The following IKBKE variants were observed in gnomAD, a reference collection of about 807,000 sequenced individuals.
IKBKE encodes the protein inhibitor of nuclear factor kappa-B kinase subunit epsilon.
Under a neutral mutation model 92.1 loss-of-function variants are expected in IKBKE, and 45 were observed. The ratio of observed to expected loss-of-function variants is 0.49; its 90% CI spans 0.38 to 0.63. The LOEUF (loss-of-function observed/expected upper bound fraction) is 0.63, where lower values mean the gene tolerates loss of function less well. IKBKE is among the 20% of genes least tolerant of loss of function. The pLI is 0.00. For missense variants in IKBKE, 700 were observed against 932.8 expected (o/e 0.75, Z 3.25); for synonymous variants, 374 against 380.3 (o/e 0.98, Z 0.19).
chr1:206,488,271 T>G (rs1553389318), intron 16 of IKBKE, among the ~76,000 whole-genome samples: 1 of 152,182 alleles, frequency 6.6e-6, no homozygotes. Context: ...GGTTGGGGGA[T>G]CCAGTGGGCC....
intron 7 of IKBKE, among the ~76,000 whole-genome samples, chr1:206,477,130 C>T (rs374958132): frequency 7.2e-5 from 11 of 152,200 alleles, no homozygotes; most frequent in African/African-American, 2.7e-4. Context: ...CAAAGAGTGC[C>T]TTGCCTAAGG....
Position 206,496,160 on chromosome 1 carries a change from A to G in IKBKE, c.*15A>G. ...CTGATGTCTGAGCTCCATGGGGCACATGAGGCATCCTGAAGCATTAGAATG... is the reference window on the plus strand; with the variant it reads ...CTGATGTCTGAGCTCCATGGGGCACGTGAGGCATCCTGAAGCATTAGAATG... On this transcript the variant is annotated 3_prime_UTR_variant, in exon 22 of 22. Transcript: ENST00000581977. The G allele has an allele frequency of 5.0e-6, 8 of 1,607,206 alleles. No homozygotes were observed. The highest frequency in any genetic ancestry group is 1.3e-5 in the African/African-American group (1 of 74,926).
intron 13 of IKBKE, among the ~76,000 whole-genome samples, chr1:206,481,726 T>C (rs1399818064): frequency 2.1e-5 from 3 of 144,768 alleles, no homozygotes; most frequent in South Asian, 4.4e-4. Context: ...AGACCTGAGA[T>C]GGGTAGAGGC....
At chr1:206,474,631 G>T (rs1432275853) in intron 4 of IKBKE, among the ~76,000 whole-genome samples, 160 bp downstream of exon 4, 1 of 152,092 alleles carries the variant, frequency 6.6e-6, no homozygotes, top group Non-Finnish European at 1.5e-5. Context: ...GGGGGTGGGG[G>T]CGGTGCACTG....
chr1:206,476,818 A>G lies in IKBKE; in HGVS notation c.681A>G (p.Pro227=). ...GSLPFIPFGG[P]RRNKEIMYRI... is the part of the protein sequence containing the mutation. ...TGCCCTTCATCCCCTTTGGTGGGCC[A>G]CGGCGGAACAAGGAGATCATGTACG... The change falls in exon 7 of 22, where the codon CCA becomes CCG. Residue 227 remains proline (P), a synonymous_variant. Coordinates refer to ENST00000581977, the MANE Select transcript of IKBKE (RefSeq NM_014002.4). This position sits in a 1 kb window ranked among gnomAD's most constrained non-coding sequence, Gnocchi z 5.1. 1.2e-6 allele frequency: 2 copies of G among 1,614,194 alleles called. No homozygotes were observed. The highest frequency in any genetic ancestry group is 1.7e-6 in the Non-Finnish European group (2 of 1,180,038).
chr1:206,476,030 G>C lies in IKBKE; in HGVS notation c.359-151G>C. The C allele has an allele frequency of 2.9e-6, 2 of 686,482 alleles. No homozygotes were observed. Among genetic ancestry groups the C allele is most frequent in the African/African-American group, 1.8e-5 (1 of 56,130 alleles). 42.5% of individuals were successfully genotyped at this position (686,482 alleles called of 1,614,324 possible). ...GAGATGCCCCCTAAGCCCCATGCAT[G>C]TCTCTGTCCTTCTGCCTGTCCCATG... On this transcript the variant is annotated intron_variant, in intron 5 of 21. Coordinates refer to ENST00000581977, the MANE Select transcript of IKBKE (RefSeq NM_014002.4). The surrounding 1 kb of genome is among the most constrained non-coding windows in gnomAD (Gnocchi z 5.1).
chr1:206,485,412 C>T lies in IKBKE; in HGVS notation c.1616+106C>T, dbSNP rs1665604396. 4 of 708,704 alleles carry T rather than the reference C, an allele frequency of 5.6e-6. No individual in the cohort carries two copies. The highest frequency in any genetic ancestry group is 1.6e-5 in the South Asian group (1 of 61,836). 43.9% of individuals were successfully genotyped at this position (708,704 alleles called of 1,614,324 possible). ...GACGTCAGCTTGCATTCCCCTTTCT[C>T]TTGGCAAGGGTGCTAGGGCATGGGG... On this transcript the variant is annotated intron_variant, in intron 15 of 21. Transcript: ENST00000581977. This position sits in a 1 kb window ranked among gnomAD's most constrained non-coding sequence, Gnocchi z 5.0.
intron 18 of IKBKE, chr1:206,492,485 G>A (rs376159697): frequency 1.1e-5 from 5 of 471,362 alleles, no homozygotes; most frequent in South Asian, 1.5e-5. Context: ...ACATTCTGGT[G>A]TAATTGCTCT....
chr1:206,485,133 C>T lies in IKBKE; in HGVS notation c.1503+61C>T. 1.2e-5 allele frequency: 19 copies of T among 1,587,994 alleles called. No individual in the cohort carries two copies. Among genetic ancestry groups the T allele is most frequent in the Non-Finnish European group, 1.6e-5 (19 of 1,156,256 alleles). The stretch of plus-strand genomic sequence containing the variant: ...CAGAGCTGGGGGCCCGTGTTCCAGC[C>T]AGCCTGCCCACCAGTGCCCAGGCTG... On this transcript the variant is annotated intron_variant, in intron 14 of 21. Transcript: ENST00000581977. This position sits in a 1 kb window ranked among gnomAD's most constrained non-coding sequence, Gnocchi z 5.0.
intron 16 of IKBKE, 33 bp downstream of exon 16, chr1:206,488,023 C>T (rs1258236897): frequency 2.0e-6 from 3 of 1,473,774 alleles, no homozygotes; most frequent in South Asian, 2.3e-5. Context: ...CCCCTTCTCT[C>T]TCCTCTGTCT....
chr1:206,493,463 G>A (rs1666058943), intron 20 of IKBKE, 85 bp downstream of exon 20: 1 of 1,046,494 alleles, frequency 9.6e-7, no homozygotes, highest in East Asian at 2.5e-5. Context: ...AGCCTGAGGG[G>A]TTTGGCGTCA....
chr1:206,491,572 C>T (rs560749638), intron 17 of IKBKE, 76 bp from the exon 18 acceptor site: 54 of 1,027,530 alleles, frequency 5.3e-5, no homozygotes, highest in Non-Finnish European at 7.4e-5. Flanking sequence ...CGGAGACTGA[C>T]GGAGACTGAG....
At chr1:206,491,361 C>T (rs1265749101) in intron 17 of IKBKE, 2 of 396,860 alleles carry the variant, frequency 5.0e-6, no homozygotes, top group South Asian at 2.4e-5. Context: ...CTCACTTTCC[C>T]TTCCCTTTCC....
At position 206,490,415 on chromosome 1, in the gene IKBKE, T is replaced by TGAAC. The variant is rs41299338; in HGVS notation, c.1694-403_1694-400dup. On this transcript the variant is annotated intron_variant, in intron 16 of 21. Transcript: ENST00000581977. This position sits in a 1 kb window ranked among gnomAD's most constrained non-coding sequence, Gnocchi z 5.2. ...TCCAGCTCGTTGCAGGTAGCGCCCA[T>TGAAC]GAACATTCAGGGATGGGACCACCCA... Among the ~76,000 whole-genome samples, 2,419 of 152,216 alleles carry TGAAC rather than the reference T, an allele frequency of 0.016. 31 individuals carry two copies. The highest frequency in any genetic ancestry group is 0.023 in the South Asian group (112 of 4,822).
Position 206,480,110 on chromosome 1 carries a change from T to C in IKBKE, c.1337T>C (p.Val446Ala). The C allele has an allele frequency of 6.4e-7, 1 of 1,556,198 alleles. No individual in the cohort carries two copies. Among genetic ancestry groups the C allele is most frequent in the Non-Finnish European group, 8.7e-7 (1 of 1,153,354 alleles). The change falls in exon 12 of 22, where the codon GTC becomes GCC. Residue 446 changes from valine to alanine, a missense_variant. Coordinates refer to ENST00000581977, the MANE Select transcript of IKBKE (RefSeq NM_014002.4). ...CTAATGTTTCGGGGGCTGCACTGGG[T>C]CATGTGAGTAATCATGAGGGCTGGG... ...QELMFRGLHWVMEVLQATCRR... is the reference protein window; with the variant it reads ...QELMFRGLHWAMEVLQATCRR...
Position 206,479,045 on chromosome 1 carries a change from C to G in IKBKE, c.1095C>G (p.Val365=). The G allele has an allele frequency of 6.2e-7, 1 of 1,614,094 alleles. No homozygotes were observed. The highest frequency in any genetic ancestry group is 8.5e-7 in the Non-Finnish European group (1 of 1,180,020). The change falls in exon 10 of 22, where the codon GTC becomes GTG. Residue 365 remains valine, a synonymous_variant. Transcript: ENST00000581977. ...ACCTCTGTGTCCTCGAGCCCAGCGT[C>G]TCAGCACAGCACATCGCCCACACGA... The part of the protein sequence containing the change: ...EGHLCVLEPS[V]SAQHIAHTTA...
rs1236128418 is a variant in IKBKE, at chr1:206,480,320, GGAGGGGGAGGCAGGCCA to G, written c.1341-115_1341-99del. On this transcript the variant is annotated intron_variant, in intron 12 of 21. Transcript: ENST00000581977. ...GGCGGGCTGTAGGTGGAGGCAGGCC[GGAGGGGGAGGCAGGCCA>G]GAGGGGGAGGCCGGCAGGAGGTGGA... is the stretch of plus-strand genomic sequence containing the variant. The G allele has an allele frequency of 5.8e-4, 460 of 792,350 alleles. 2 individuals carry two copies. The highest frequency in any genetic ancestry group is 8.4e-4 in the Non-Finnish European group (407 of 486,684). 49.1% of individuals were successfully genotyped at this position (792,350 alleles called of 1,614,324 possible).
chr1:206,496,794 A>T lies in IKBKE; in HGVS notation c.*649A>T. 4.3e-6 allele frequency: 1 copy of T among 231,876 alleles called. No homozygotes were observed. The allele number at this position is 231,876 out of a possible 1,614,324, so 14.4% of individuals were successfully genotyped here. A position where few individuals can be genotyped will look rare whatever the true frequency, so the allele number is the denominator to read the frequency against. On this transcript the variant is annotated 3_prime_UTR_variant, in exon 22 of 22. Coordinates refer to ENST00000581977, the MANE Select transcript of IKBKE (RefSeq NM_014002.4). ...GCTCTCCCTCACTCTCTGAGGCTCC[A>T]GCTGGTCCTGGGACATGCAGCCAGG...
At chr1:206,494,592 C>CTTTTTTTT (rs58971788) in intron 21 of IKBKE, among the ~76,000 whole-genome samples, 21 of 63,908 alleles carry the variant, frequency 3.3e-4, no homozygotes, top group Non-Finnish European at 4.8e-4. Context: ...AAAGTTCTTT[C>CTTTTTTTT]TTTTTTTTTT....
Sources: allele counts gnomAD v4.1 joint callset (sites outside exome capture counted in the v4.1 genomes callset), GRCh38; gene constraint gnomAD v4.1.1; non-coding constraint Gnocchi (gnomAD v3.1); transcripts MANE v1.5; gene names NCBI Gene and HGNC (gene_info 2026-07-23, HGNC 2026-07-21).